Variants in PDGFD observed in about 807,000 individuals in gnomAD.
PDGFD encodes the protein platelet derived growth factor D.
PDGFD carries 30 observed loss-of-function variants against 44.7 expected under a neutral mutation model. That is an observed-to-expected ratio of 0.67 (90% confidence interval 0.50 to 0.91). The LOEUF (loss-of-function observed/expected upper bound fraction) is 0.91, where lower values mean the gene tolerates loss of function less well. Ranked by LOEUF, PDGFD falls within the 40% of genes least tolerant of loss-of-function variation. PDGFD has a pLI of 0.00. For missense variants in PDGFD, 445 were observed against 457.8 expected (o/e 0.97, Z 0.25); for synonymous variants, 173 against 168.4 (o/e 1.03, Z -0.21).
intron 1 of PDGFD, among the ~76,000 whole-genome samples, chr11:104,119,131 T>TATATAATATATTG (rs1861704728): frequency 1.9e-5 from 1 of 53,742 alleles, no homozygotes; most frequent in Non-Finnish European, 3.1e-5. Flanking sequence ...ATTGATATAA[T>TATATAATATATTG]ATATAATATA....
intron 1 of PDGFD, among the ~76,000 whole-genome samples, chr11:104,109,640 A>G (rs1415187985): frequency 1.3e-5 from 2 of 152,140 alleles, no homozygotes; most frequent in Non-Finnish European, 2.9e-5. Flanking sequence ...GGAATCCCCT[A>G]ATGTCCATAC....
intron 1 of PDGFD, among the ~76,000 whole-genome samples, chr11:104,021,065 A>G (rs909652975): frequency 6.6e-6 from 1 of 152,188 alleles, no homozygotes; most frequent in African/African-American, 2.4e-5. Context: ...ACCTGGGGTC[A>G]TAATTAATCT....
At chr11:104,003,166 T>C (rs115580740) in intron 1 of PDGFD, among the ~76,000 whole-genome samples, 2,128 of 152,236 alleles carry the variant, frequency 0.014, 52 homozygotes, top group African/African-American at 0.048. Flanking sequence ...AAGTGCTGAG[T>C]GTAAATGCTG....
intron 1 of PDGFD, among the ~76,000 whole-genome samples, chr11:104,054,005 T>C (rs2134408499): frequency 6.6e-6 from 1 of 152,298 alleles, no homozygotes; most frequent in East Asian, 1.9e-4. Context: ...CAAAGAGGCA[T>C]GTCATTTTTT....
At chr11:103,978,364 C>T (rs1449381918) in intron 3 of PDGFD, among the ~76,000 whole-genome samples, 2 of 151,986 alleles carry the variant, frequency 1.3e-5, no homozygotes, top group East Asian at 1.9e-4. Context: ...TCTTTCTCTC[C>T]TAATGTCCCC....
intron 1 of PDGFD, among the ~76,000 whole-genome samples, chr11:104,010,775 T>TG (rs1171515097): frequency 6.6e-6 from 1 of 151,986 alleles, no homozygotes; most frequent in Non-Finnish European, 1.5e-5. Context: ...GTAAAGAATG[T>TG]GAAAAAAATG....
chr11:103,971,913 C>T (rs1481608673), intron 3 of PDGFD, among the ~76,000 whole-genome samples: 1 of 152,176 alleles, frequency 6.6e-6, no homozygotes, highest in Non-Finnish European at 1.5e-5. Flanking sequence ...AGCATCCTTA[C>T]AGTGAATCCT....
intron 1 of PDGFD, among the ~76,000 whole-genome samples, chr11:104,022,688 T>C (rs1236774955): frequency 6.6e-6 from 1 of 151,972 alleles, no homozygotes; most frequent in Non-Finnish European, 1.5e-5. Flanking sequence ...AACAAATATT[T>C]AGAAAATATT....
At chr11:104,144,098 G>A (rs571454693) in intron 1 of PDGFD, among the ~76,000 whole-genome samples, 3 of 152,238 alleles carry the variant, frequency 2.0e-5, no homozygotes, top group African/African-American at 7.2e-5. Context: ...ATCTACAACT[G>A]TGACTTGAAG....
chr11:103,949,538 G>C (rs1156625640), intron 3 of PDGFD, among the ~76,000 whole-genome samples: 1 of 152,192 alleles, frequency 6.6e-6, no homozygotes, highest in Non-Finnish European at 1.5e-5. Flanking sequence ...ACTATTGGTG[G>C]AGGACATATG....
In PDGFD at chr11:104,000,247, G is replaced by A; in HGVS notation, c.133C>T (p.His45Tyr). The change falls in exon 2 of 7, where the codon CAC (histidine) becomes TAC (tyrosine). Residue 45 changes from histidine to tyrosine, a missense_variant. By Grantham distance (83) the His-to-Tyr change is moderately conservative (BLOSUM62 2). Coordinates refer to ENST00000393158, the MANE Select transcript of PDGFD (RefSeq NM_025208.5). ...TCTCTTCGGTACAAGTCTGTGAGGT[G>A]ATTGCTCTCTGTTAGTAGTCACAAC... ...NANLRRDESN[H>Y]LTDLYRRDET... 1 of 1,613,736 alleles carries A rather than the reference G, an allele frequency of 6.2e-7. No homozygotes were observed. The highest frequency in any genetic ancestry group is 2.2e-5 in the East Asian group (1 of 44,854).
At chr11:103,943,325 CA>C in intron 5 of PDGFD, 126 bp downstream of exon 5, 1 of 939,018 alleles carries the variant, frequency 1.1e-6, no homozygotes, top group East Asian at 2.7e-5. Flanking sequence ...GTAAATGTTC[CA>C]AAATCCAAAA....
intron 1 of PDGFD, among the ~76,000 whole-genome samples, chr11:104,059,990 T>G (rs1303884984): frequency 6.6e-6 from 1 of 152,142 alleles, no homozygotes; most frequent in Non-Finnish European, 1.5e-5. Flanking sequence ...CCTAAATGGG[T>G]GATAGCCTGA....
chr11:104,072,174 TG>T (rs1214686755), intron 1 of PDGFD, among the ~76,000 whole-genome samples: 3 of 151,950 alleles, frequency 2.0e-5, no homozygotes, highest in African/African-American at 7.2e-5. Context: ...ATACAAAAAC[TG>T]ATGAATTAAT....
chr11:103,912,536 T>C (rs1028886648), intron 6 of PDGFD, among the ~76,000 whole-genome samples: 2 of 152,132 alleles, frequency 1.3e-5, no homozygotes, highest in Non-Finnish European at 2.9e-5. Flanking sequence ...TCCCAAATTG[T>C]AAAGACCATT....
intron 1 of PDGFD, among the ~76,000 whole-genome samples, chr11:104,093,900 C>T (rs1033423001): frequency 3.3e-5 from 5 of 149,978 alleles, no homozygotes; most frequent in African/African-American, 1.2e-4. Context: ...AAAAATTCCT[C>T]TTAACCTCAC....
intron 6 of PDGFD, among the ~76,000 whole-genome samples, chr11:103,925,814 C>T (rs1417112351): frequency 2.0e-5 from 3 of 150,586 alleles, no homozygotes; most frequent in Non-Finnish European, 3.0e-5. Flanking sequence ...CTGCAACCTC[C>T]GCCTCCCGGG....
At chr11:103,947,916 G>C (rs533977138) in intron 3 of PDGFD, among the ~76,000 whole-genome samples, 192 bp from the exon 4 acceptor site, 5 of 152,146 alleles carry the variant, frequency 3.3e-5, no homozygotes, top group Non-Finnish European at 7.3e-5. Flanking sequence ...TTAAGACATG[G>C]ACATTTTCTT....
intron 1 of PDGFD, among the ~76,000 whole-genome samples, chr11:104,133,878 T>C (rs1197225529): frequency 6.6e-6 from 1 of 152,072 alleles, no homozygotes; most frequent in African/African-American, 2.4e-5. Flanking sequence ...ACAGGGTTCA[T>C]GCATATCATT....
Sources: gnomAD v4.1 joint callset for allele counts (sites outside exome capture counted in the v4.1 genomes callset) on GRCh38, gnomAD v4.1.1 for gene constraint, MANE v1.5 for transcripts, NCBI Gene and HGNC (gene_info 2026-07-23, HGNC 2026-07-21) for gene names.